MKLN1: variants seen among roughly 807,000 people sequenced by gnomAD.
MKLN1 encodes the protein muskelin 1, also known as muskelin.
Under a neutral mutation model 99.0 loss-of-function variants are expected in MKLN1, and 18 were observed. The ratio of observed to expected loss-of-function variants is 0.18; its 90% CI spans 0.13 to 0.27. MKLN1 has a LOEUF of 0.27. Among genes scored for constraint, MKLN1 ranks in the 10% least tolerant of loss-of-function variants. The pLI is 1.00. For missense variants in MKLN1, 621 were observed against 875.9 expected, an observed-to-expected ratio of 0.71 and a Z score of 3.67; for synonymous variants, 288 against 293.2, an observed-to-expected ratio of 0.98 and a Z score of 0.18.
chr7:131,187,344 A>T (rs1796467262), intron 2 of MKLN1, among the ~76,000 whole-genome samples: 1 of 150,526 alleles, frequency 6.6e-6, no homozygotes. Context: ...TTTCCAAAAC[A>T]ACTGAGATAA....
intron 3 of MKLN1, among the ~76,000 whole-genome samples, chr7:131,285,538 C>G (rs1341510391): frequency 6.6e-6 from 1 of 152,220 alleles, no homozygotes; most frequent in African/African-American, 2.4e-5. Context: ...AAGTCAACTT[C>G]TATTTTCCCT....
chr7:131,193,757 C>T (rs1286289027), intron 2 of MKLN1, among the ~76,000 whole-genome samples: 1 of 151,948 alleles, frequency 6.6e-6, no homozygotes, highest in East Asian at 1.9e-4. Context: ...CTCCCCAACC[C>T]CCACCACCCA....
intron 6 of MKLN1, among the ~76,000 whole-genome samples, chr7:131,406,152 T>G (rs1384380525): frequency 1.3e-5 from 2 of 152,044 alleles, no homozygotes; most frequent in Non-Finnish European, 2.9e-5. Context: ...TGCCTTTTTA[T>G]CTCTAGAAAT....
intron 1 of MKLN1, among the ~76,000 whole-genome samples, chr7:131,374,402 A>G (rs1438659905): frequency 6.6e-6 from 1 of 152,122 alleles, no homozygotes; most frequent in African/African-American, 2.4e-5. Flanking sequence ...ATATTATATT[A>G]CGGTAAACAC....
chr7:131,355,628 C>CTATATATATATATATATATATATATATA (rs58377694), intron 1 of MKLN1, among the ~76,000 whole-genome samples: 25 of 136,910 alleles, frequency 1.8e-4, no homozygotes, highest in South Asian at 4.6e-4. Context: ...TAACTTGATA[C>CTATATATATATATATATATATATATATA]TATATATATA....
intron 3 of MKLN1, among the ~76,000 whole-genome samples, chr7:131,253,360 A>T (rs542487639): frequency 2.6e-5 from 4 of 152,110 alleles, no homozygotes; most frequent in Non-Finnish European, 5.9e-5. Context: ...GGCCACCAGC[A>T]TTTCTCATCC....
Position 131,420,114 on chromosome 7 carries a change from C to T in MKLN1, c.847+5404C>T, listed in dbSNP as rs568132104. Among the ~76,000 whole-genome samples, 3 of 151,678 alleles carry T rather than the reference C, an allele frequency of 2.0e-5. No homozygotes were observed. The South Asian group carries it at 6.2e-4, about 32-fold the overall frequency. ...AAATGACGAGTTGATGGGTGCAGTA[C>T]ACCAACATGGCAAATGTATACATGT... On this transcript the variant is annotated intron_variant, in intron 8 of 17. Coordinates refer to ENST00000352689, the MANE Select transcript of MKLN1 (RefSeq NM_013255.5).
intron 1 of MKLN1, among the ~76,000 whole-genome samples, chr7:131,359,803 A>G (rs1251632792): frequency 1.3e-5 from 2 of 151,616 alleles, no homozygotes; most frequent in Non-Finnish European, 2.9e-5. Context: ...TTGTGATCTC[A>G]GTTCACTGCA....
chr7:131,121,311 TG>T (rs1795365200), intron 1 of MKLN1, among the ~76,000 whole-genome samples: 1 of 152,040 alleles, frequency 6.6e-6, no homozygotes, highest in South Asian at 2.1e-4. Context: ...GAGATTTGGG[TG>T]GGGATACAGA....
chr7:131,231,067 C>T (rs1045681470), intron 3 of MKLN1, among the ~76,000 whole-genome samples: 2 of 119,608 alleles, frequency 1.7e-5, no homozygotes, highest in African/African-American at 3.2e-5. Flanking sequence ...TTGCAGTGAG[C>T]GGAGATCGTA....
chr7:131,382,053 C>A (rs762271662), intron 2 of MKLN1, among the ~76,000 whole-genome samples: 2 of 152,130 alleles, frequency 1.3e-5, no homozygotes, highest in African/African-American at 4.8e-5. Flanking sequence ...TTGGCTATTA[C>A]AAAGATGTGC....
intron 1 of MKLN1, chr7:131,328,277 G>T: frequency 4.7e-6 from 2 of 421,252 alleles, no homozygotes; most frequent in Middle Eastern, 6.6e-4. Flanking sequence ...CTGCGCTTGG[G>T]ATTTGGGGGT....
chr7:131,129,762 G>A (rs1248903072), intron 1 of MKLN1, among the ~76,000 whole-genome samples: 1 of 152,112 alleles, frequency 6.6e-6, no homozygotes, highest in East Asian at 1.9e-4. Context: ...TTTTTTTAGA[G>A]ACGAGGTCTT....
intron 17 of MKLN1, 191 bp downstream of exon 17, chr7:131,478,868 G>T (rs773063076): frequency 3.9e-4 from 260 of 666,940 alleles, no homozygotes; most frequent in South Asian, 7.4e-4. Context: ...TTGCAGTTCA[G>T]TTTGCAATGA....
intron 16 of MKLN1, among the ~76,000 whole-genome samples, chr7:131,476,409 C>CA: frequency 6.6e-6 from 1 of 151,006 alleles, no homozygotes; most frequent in South Asian, 2.1e-4. Context: ...ATGGTGTCTA[C>CA]AAAACAATAT....
At chr7:131,242,583 G>T (rs1279451384) in intron 3 of MKLN1, 9 of 467,590 alleles carry the variant, frequency 1.9e-5, no homozygotes, top group Non-Finnish European at 2.1e-5. Context: ...CCGAGGGGTT[G>T]CTGCTGAAAT....
intron 9 of MKLN1, among the ~76,000 whole-genome samples, chr7:131,437,512 G>A (rs2116472059): frequency 6.6e-6 from 1 of 152,242 alleles, no homozygotes; most frequent in South Asian, 2.1e-4. Context: ...TAAACAGAGT[G>A]CCATAAGCTG....
intron 3 of MKLN1, among the ~76,000 whole-genome samples, chr7:131,293,130 C>G (rs1798245916): frequency 6.6e-6 from 1 of 152,226 alleles, no homozygotes; most frequent in Non-Finnish European, 1.5e-5. Context: ...CTTCTACACT[C>G]TTTCAGACCC....
intron 3 of MKLN1, among the ~76,000 whole-genome samples, chr7:131,248,206 G>A (rs959326745): frequency 1.4e-4 from 21 of 151,908 alleles, no homozygotes; most frequent in African/African-American, 4.6e-4. Context: ...GATTACAGAC[G>A]TGAGAAGAAA....
Sources: allele counts gnomAD v4.1 joint callset (sites outside exome capture counted in the v4.1 genomes callset), GRCh38; gene constraint gnomAD v4.1.1; transcripts MANE v1.5; gene names NCBI Gene and HGNC (gene_info 2026-07-23, HGNC 2026-07-21).